CACNA1C: variants seen among roughly 807,000 people sequenced by gnomAD.
CACNA1C encodes voltage-dependent L-type calcium channel subunit alpha-1C.
Under a neutral mutation model 229.0 loss-of-function variants are expected in CACNA1C, and 30 were observed. The ratio of observed to expected loss-of-function variants is 0.13; its 90% CI spans 0.10 to 0.18. The LOEUF (loss-of-function observed/expected upper bound fraction) is 0.18, where lower values mean the gene tolerates loss of function less well. Ranked by LOEUF, CACNA1C falls within the 10% of genes least tolerant of loss-of-function variation. The pLI, the probability that CACNA1C is intolerant of heterozygous loss-of-function variation, is 1.00. For missense variants in CACNA1C, 1,658 were observed against 2,845.0 expected (o/e 0.58, Z 9.49); for synonymous variants, 1,114 against 1,132.5 (o/e 0.98, Z 0.33).
chr12:2,420,102 G>GGTGTGCGTGTGTGTGT (rs2098960916), intron 3 of CACNA1C, among the ~76,000 whole-genome samples: 2 of 125,430 alleles, frequency 1.6e-5, no homozygotes, highest in Admixed American at 7.6e-5. Flanking sequence ...TAGGCAAAAT[G>GGTGTGCGTGTGTGTGT]GTGTGTGTGT....
In CACNA1C at chr12:2,294,721, T is replaced by C. The variant is rs16929217; in HGVS notation, c.478-154255T>C. ...TGGCTTTGTTAGTTAATATGTAACA[T>C]GTCGCCTCAATATTGAGCATCTCTG... On this transcript the variant is annotated intron_variant, in intron 3 of 46. Transcript: ENST00000399655. Among the ~76,000 whole-genome samples the C allele has an allele frequency of 1.9e-3, 283 of 152,262 alleles. 1 individual carries two copies. The highest frequency in any genetic ancestry group is 6.6e-3 in the African/African-American group (276 of 41,530).
chr12:2,381,794 T>A (rs902668312), intron 3 of CACNA1C, among the ~76,000 whole-genome samples: 2 of 152,246 alleles, frequency 1.3e-5, no homozygotes, highest in Admixed American at 1.3e-4. Flanking sequence ...GCATTTCTCA[T>A]TTGGAATTTT....
intron 1 of CACNA1C, among the ~76,000 whole-genome samples, chr12:2,042,664 C>T (rs903406852): frequency 6.6e-5 from 10 of 152,118 alleles, no homozygotes; most frequent in African/African-American, 1.9e-4. Flanking sequence ...TGCTTCTCTG[C>T]TGAAGTGTAG....
At chr12:2,586,685 G>T (rs1243780596) in intron 18 of CACNA1C, among the ~76,000 whole-genome samples, 1 of 152,220 alleles carries the variant, frequency 6.6e-6, no homozygotes, top group Non-Finnish European at 1.5e-5. Context: ...CACCAAGTTA[G>T]GTGGCTGAGA....
chr12:2,259,313 A>C (rs1601121640), intron 3 of CACNA1C, among the ~76,000 whole-genome samples: 1 of 152,240 alleles, frequency 6.6e-6, no homozygotes, highest in Admixed American at 6.5e-5. Flanking sequence ...GAAGTTTGAG[A>C]CTGGTTAGCT....
intron 1 of CACNA1C, among the ~76,000 whole-genome samples, chr12:2,020,915 C>A (rs139894278): frequency 3.3e-5 from 5 of 152,276 alleles, no homozygotes; most frequent in African/African-American, 9.6e-5. Context: ...TGTATGGAAC[C>A]CATATTTGCC....
At chr12:2,118,541 G>A (rs891210301) in intron 2 of CACNA1C, among the ~76,000 whole-genome samples, 1 of 152,250 alleles carries the variant, frequency 6.6e-6, no homozygotes, top group African/African-American at 2.4e-5. Context: ...CCTGGCACAA[G>A]TTAACGTCTG....
rs780417218 is a variant in CACNA1C, at chr12:2,601,971, G to C, written c.2960+11G>C. 9 of 1,552,590 alleles carry C rather than the reference G, an allele frequency of 5.8e-6. No homozygotes were observed. In the South Asian group the frequency reaches 1.0e-4, roughly 17 times the overall value. ...CTCCTTTGGCATCCAGTGAGTGGGAGCCCCTCAGCCCACGATGGGCCATGC... is the reference window on the plus strand; with the variant it reads ...CTCCTTTGGCATCCAGTGAGTGGGACCCCCTCAGCCCACGATGGGCCATGC... On this transcript the variant is annotated intron_variant, in intron 22 of 46. Coordinates refer to ENST00000399655, the MANE Select transcript of CACNA1C (RefSeq NM_000719.7). The surrounding 1 kb of genome is among the most constrained non-coding windows in gnomAD (Gnocchi z 5.9).
At chr12:2,272,967 G>A (rs1191700082) in intron 3 of CACNA1C, among the ~76,000 whole-genome samples, 1 of 152,180 alleles carries the variant, frequency 6.6e-6, no homozygotes, top group Non-Finnish European at 1.5e-5. Flanking sequence ...TTTTGTCCGC[G>A]TTAGAAGGTC....
chr12:2,023,557 T>C (rs911963128), intron 1 of CACNA1C, among the ~76,000 whole-genome samples: 3 of 152,122 alleles, frequency 2.0e-5, no homozygotes, highest in Admixed American at 2.0e-4. Flanking sequence ...AGCTCTGGGC[T>C]CTCCTCATTA....
intron 3 of CACNA1C, among the ~76,000 whole-genome samples, chr12:2,427,693 C>G (rs2099045638): frequency 5.3e-5 from 8 of 152,130 alleles, no homozygotes; most frequent in Admixed American, 3.3e-4. Context: ...GTGATCTCAG[C>G]TCACTGCAAC....
chr12:2,206,460 G>A (rs999078407), intron 3 of CACNA1C, among the ~76,000 whole-genome samples: 1 of 152,196 alleles, frequency 6.6e-6, no homozygotes, highest in Non-Finnish European at 1.5e-5. Context: ...TCACCGCTGA[G>A]TAGTTATGTA....
chr12:2,128,112 G>GT (rs1358310906), intron 3 of CACNA1C, among the ~76,000 whole-genome samples: 1 of 152,118 alleles, frequency 6.6e-6, no homozygotes, highest in Non-Finnish European at 1.5e-5. Flanking sequence ...CCTGTGAAGT[G>GT]TTATCCCTTT....
chr12:2,312,820 T>G (rs1176545323), intron 3 of CACNA1C, among the ~76,000 whole-genome samples: 1 of 152,222 alleles, frequency 6.6e-6, no homozygotes, highest in African/African-American at 2.4e-5. Context: ...AGGGATTTTT[T>G]TTTTACATGA....
chr12:2,384,615 A>C (rs1272023278), intron 3 of CACNA1C, among the ~76,000 whole-genome samples: 1 of 152,086 alleles, frequency 6.6e-6, no homozygotes, highest in Non-Finnish European at 1.5e-5. Flanking sequence ...ACAACCCTGC[A>C]CTTTTCCTTC....
chr12:2,679,739 C>T lies in CACNA1C; in HGVS notation c.5387C>T (p.Pro1796Leu), dbSNP rs199999203. 2.2e-5 allele frequency: 36 copies of T among 1,600,470 alleles called. No homozygotes were observed. The highest frequency in any genetic ancestry group is 3.0e-5 in the Non-Finnish European group (35 of 1,173,132). ...GTCAGCACTGTGGAGGGCCACGGGCCCCCCTTGTCCCCTGCCATCCGGGTG... is the reference window on the plus strand; with the variant it reads ...GTCAGCACTGTGGAGGGCCACGGGCTCCCCTTGTCCCCTGCCATCCGGGTG... The part of the protein sequence containing the change: ...STVSTVEGHG[P>L]PLSPAIRVQE... Residue 1796 changes from proline (P) to leucine (L), a missense_variant, in exon 42 of 47, where the codon CCC becomes CTC. This residue lies in a region of CACNA1C where 590 missense variants were observed against 700.8 expected (regional missense o/e 0.84). Transcript: ENST00000399655. The surrounding 1 kb of genome is among the most constrained non-coding windows in gnomAD (Gnocchi z 5.5).
chr12:2,082,275 C>A (rs868327266), intron 1 of CACNA1C, among the ~76,000 whole-genome samples: 1 of 152,180 alleles, frequency 6.6e-6, no homozygotes, highest in African/African-American at 2.4e-5. Context: ...TCTGAGTAGA[C>A]GAGTCAGACG....
intron 1 of CACNA1C, 77 bp from the exon 2 acceptor site, chr12:2,115,147 T>A: frequency 1.7e-6 from 2 of 1,165,916 alleles, no homozygotes; most frequent in African/African-American, 3.1e-5. Flanking sequence ...AAATTGTGAA[T>A]CTGGGGTCCA....
rs2283325 is a variant in CACNA1C at position 2,566,636 on chromosome 12, G to A, written c.1669+54G>A. ...TTTCCTCCTGGTAACTCAGCCCCAA[G>A]GCCCAGGGGAGGGCATAACCACAGG... On this transcript the variant is annotated intron_variant, in intron 12 of 46. Transcript: ENST00000399655. The surrounding 1 kb of genome is among the most constrained non-coding windows in gnomAD (Gnocchi z 4.0). 0.021 allele frequency: 31,498 copies of A among 1,476,170 alleles called. 1,062 individuals are homozygous for A. The highest frequency in any genetic ancestry group is 0.14 in the East Asian group (5,504 of 40,490). The allele number at this position is 1,476,170 out of a possible 1,614,324, so 91.4% of individuals were successfully genotyped here.
Sources: allele counts gnomAD v4.1 joint callset (sites outside exome capture counted in the v4.1 genomes callset), GRCh38; gene constraint gnomAD v4.1.1; regional missense constraint gnomAD v4.1.1; non-coding constraint Gnocchi (gnomAD v3.1); transcripts MANE v1.5; gene names NCBI Gene and HGNC (gene_info 2026-07-23, HGNC 2026-07-21).